The following UGT8 variants were observed in gnomAD, a reference collection of about 807,000 sequenced individuals.
The protein encoded by UGT8 is 2-hydroxyacylsphingosine 1-beta-galactosyltransferase.
In UGT8, 12 loss-of-function variants were observed where a neutral mutation model predicts 40.5. The ratio of observed to expected loss-of-function variants is 0.30; its 90% CI spans 0.19 to 0.48. The LOEUF (loss-of-function observed/expected upper bound fraction) is 0.48. UGT8 is among the 20% of genes least tolerant of loss of function. UGT8 has a pLI of 0.99. For synonymous variants in UGT8, 224 were observed against 240.4 expected (o/e 0.93, Z 0.63); for missense variants, 513 against 648.7 (o/e 0.79, Z 2.27).
chr4:114,637,241 G>A (rs28539878), intron 2 of UGT8, among the ~76,000 whole-genome samples: 5 of 152,052 alleles, frequency 3.3e-5, no homozygotes, highest in South Asian at 2.1e-4. Context: ...CACATCTCAC[G>A]GTCTTTGTGA....
At chr4:114,651,791 T>C (rs1253693874) in intron 2 of UGT8, among the ~76,000 whole-genome samples, 1 of 152,126 alleles carries the variant, frequency 6.6e-6, no homozygotes, top group Admixed American at 6.6e-5. Context: ...TGTATAACAA[T>C]AACATTTTGG....
chr4:114,619,081 C>G (rs892833578), intron 1 of UGT8, among the ~76,000 whole-genome samples: 2 of 152,010 alleles, frequency 1.3e-5, no homozygotes, highest in African/African-American at 4.8e-5. Flanking sequence ...AATGTATTCT[C>G]TCTTCTTTTT....
chr4:114,608,432 A>G (rs1301923950), intron 1 of UGT8, among the ~76,000 whole-genome samples: 1 of 152,178 alleles, frequency 6.6e-6, no homozygotes, highest in Non-Finnish European at 1.5e-5. Flanking sequence ...TCATGAGGCA[A>G]TAAGGGTAAG....
At position 114,611,435 on chromosome 4, in the gene UGT8, TATATATATATAC is replaced by T. The variant is rs1405540212; in HGVS notation, c.-2-11442_-2-11431del. The stretch of plus-strand genomic sequence containing the variant: ...ATATATATATATATATATATATATA[TATATATATATAC>T]ACACACACACAGAGATATTAGATAT... On this transcript the variant is annotated intron_variant, in intron 1 of 5. Transcript: ENST00000310836. Among the ~76,000 whole-genome samples the T allele has an allele frequency of 6.1e-3, 361 of 59,194 alleles. 8 individuals carry two copies. The highest frequency in any genetic ancestry group is 0.056 in the Admixed American group (286 of 5,082). The allele number at this position is 59,194 out of a possible 152,430, so 38.8% of individuals were successfully genotyped here.
chr4:114,671,423 C>G (rs1735267836), intron 5 of UGT8, among the ~76,000 whole-genome samples: 1 of 152,160 alleles, frequency 6.6e-6, no homozygotes, highest in Admixed American at 6.5e-5. Flanking sequence ...TGACTTCAAA[C>G]TATACTACAA....
chr4:114,667,498 A>G (rs1734961158), intron 4 of UGT8, among the ~76,000 whole-genome samples: 2 of 152,196 alleles, frequency 1.3e-5, no homozygotes, highest in South Asian at 4.1e-4. Context: ...CTTACAAATG[A>G]TTATAAATGT....
intron 2 of UGT8, among the ~76,000 whole-genome samples, chr4:114,626,033 A>C (rs138093761): frequency 5.6e-4 from 85 of 152,306 alleles, no homozygotes; most frequent in African/African-American, 2.0e-3. Flanking sequence ...GGACATAGAT[A>C]AGTATATTAT....
intron 1 of UGT8, among the ~76,000 whole-genome samples, chr4:114,613,862 G>A (rs973314518): frequency 6.6e-6 from 1 of 152,128 alleles, no homozygotes; most frequent in Admixed American, 6.5e-5. Flanking sequence ...CTGGACGCCA[G>A]AATTTGAAAA....
chr4:114,628,244 A>G (rs1560680742), intron 2 of UGT8, among the ~76,000 whole-genome samples: 3 of 152,052 alleles, frequency 2.0e-5, no homozygotes, highest in South Asian at 4.2e-4. Context: ...GGTTCAAGCA[A>G]TTCTCCTGCC....
intron 2 of UGT8, among the ~76,000 whole-genome samples, chr4:114,642,712 T>G (rs965133877): frequency 2.0e-5 from 3 of 152,188 alleles, no homozygotes; most frequent in African/African-American, 7.2e-5. Context: ...CGCTTGTCAT[T>G]TGGCTTTCTT....
intron 1 of UGT8, among the ~76,000 whole-genome samples, chr4:114,604,243 A>C (rs180715537): frequency 1.3e-5 from 2 of 152,312 alleles, no homozygotes; most frequent in African/African-American, 2.4e-5. Flanking sequence ...AGTTCCTTAG[A>C]TAATCTATAA....
intron 1 of UGT8, among the ~76,000 whole-genome samples, chr4:114,618,690 T>C (rs1731585539): frequency 6.6e-6 from 1 of 152,212 alleles, no homozygotes; most frequent in African/African-American, 2.4e-5. Context: ...TTTGCTTTGC[T>C]TTATGCTTAT....
At chr4:114,661,562 A>G (rs1734539285) in intron 2 of UGT8, among the ~76,000 whole-genome samples, 1 of 152,166 alleles carries the variant, frequency 6.6e-6, no homozygotes, top group Non-Finnish European at 1.5e-5. Flanking sequence ...CCTGCTTGTC[A>G]ACCGAATCCA....
Position 114,666,826 on chromosome 4 carries a change from G to T in UGT8, c.1042+1070G>T, listed in dbSNP as rs147961500. Among the ~76,000 whole-genome samples, 4 of 152,148 alleles carry T rather than the reference G, an allele frequency of 2.6e-5. No individual in the cohort carries two copies. The East Asian group carries it at 7.7e-4, about 29-fold the overall frequency. On this transcript the variant is annotated intron_variant, in intron 4 of 5. Coordinates refer to ENST00000310836, the MANE Select transcript of UGT8 (RefSeq NM_001128174.3). ...AGCTGCTCTAGGCTTCTCAGTGTGA[G>T]AACTCTGACTTTTTCAAGATTAGTA...
chr4:114,669,964 G>T (rs572087931), intron 5 of UGT8, among the ~76,000 whole-genome samples: 5 of 152,186 alleles, frequency 3.3e-5, no homozygotes, highest in Non-Finnish European at 7.4e-5. Flanking sequence ...CATTTAACAG[G>T]TGATAATTAT....
intron 2 of UGT8, among the ~76,000 whole-genome samples, chr4:114,631,869 T>A (rs1732600435): frequency 6.6e-6 from 1 of 152,236 alleles, no homozygotes; most frequent in South Asian, 2.1e-4. Context: ...GATATGTATC[T>A]AGATTTCAAG....
chr4:114,610,764 TG>T (rs1730991396), intron 1 of UGT8, among the ~76,000 whole-genome samples: 1 of 152,176 alleles, frequency 6.6e-6, no homozygotes, highest in South Asian at 2.1e-4. Context: ...TTTTGTTTCT[TG>T]TTCTGATTTG....
At chr4:114,651,356 A>G (rs1233561467) in intron 2 of UGT8, among the ~76,000 whole-genome samples, 3 of 152,100 alleles carry the variant, frequency 2.0e-5, no homozygotes, top group Admixed American at 2.0e-4. Context: ...GAATACTTCA[A>G]GTGTTCTTTT....
intron 2 of UGT8, among the ~76,000 whole-genome samples, chr4:114,630,306 C>T (rs1732488540): frequency 6.6e-6 from 1 of 152,202 alleles, no homozygotes; most frequent in Non-Finnish European, 1.5e-5. Flanking sequence ...GTCTTATCTT[C>T]ATACGACTCT....
Sources: gnomAD v4.1 joint callset for allele counts (sites outside exome capture counted in the v4.1 genomes callset) on GRCh38, gnomAD v4.1.1 for gene constraint, MANE v1.5 for transcripts, NCBI Gene and HGNC (gene_info 2026-07-23, HGNC 2026-07-21) for gene names.